Variants in LDAH observed in about 807,000 individuals in gnomAD.
LDAH encodes lipid droplet associated hydrolase, also known as lipid droplet-associated hydrolase.
LDAH carries 26 observed loss-of-function variants against 29.6 expected under a neutral mutation model. The ratio of observed to expected loss-of-function variants is 0.88; its 90% confidence interval spans 0.64 to 1.22. The LOEUF (loss-of-function observed/expected upper bound fraction) is 1.22. LDAH is among the 50% of genes most tolerant of loss of function. The probability of loss-of-function intolerance (pLI) is 0.00; values close to 1 mark genes in which losing one functional copy is unlikely to be tolerated. For missense variants in LDAH, 344 were observed against 387.3 expected (o/e 0.89, Z 0.94); for synonymous variants, 117 against 133.0 (o/e 0.88, Z 0.83).
chr2:20,720,831 T>C lies in LDAH; in HGVS notation c.703+19140A>G, dbSNP rs374033265. 1.5e-3 allele frequency among the ~76,000 whole-genome samples: 228 copies of C among 152,184 alleles called. 4 individuals carry two copies. The South Asian group carries it at 0.043, about 29-fold the overall frequency. ...AATAGAGAACTCAGAAATAAATCAG[T>C]ATACTTACAGCCAACTTGTTTTCAA... On this transcript the variant is annotated intron_variant, in intron 5 of 6. Coordinates refer to ENST00000237822, the MANE Select transcript of LDAH (RefSeq NM_021925.4).
At chr2:20,716,594 G>T (rs1665211736) in intron 5 of LDAH, among the ~76,000 whole-genome samples, 1 of 151,224 alleles carries the variant, frequency 6.6e-6, no homozygotes, top group Non-Finnish European at 1.5e-5. Context: ...GGGGGTTGGG[G>T]GAGGGATAGC....
intron 4 of LDAH, among the ~76,000 whole-genome samples, chr2:20,769,817 T>G (rs1300880492): frequency 6.6e-6 from 1 of 152,156 alleles, no homozygotes; most frequent in East Asian, 1.9e-4. Context: ...CTCCTTTATC[T>G]ATTTAGGACC....
intron 5 of LDAH, among the ~76,000 whole-genome samples, chr2:20,720,668 C>T (rs1400193118): frequency 6.6e-6 from 1 of 151,804 alleles, no homozygotes; most frequent in Non-Finnish European, 1.5e-5. Context: ...GCTAAGGAAT[C>T]CTAAGGAAAG....
intron 1 of LDAH, among the ~76,000 whole-genome samples, chr2:20,815,901 A>G (rs2125159439): frequency 6.6e-6 from 1 of 152,278 alleles, no homozygotes; most frequent in Admixed American, 6.5e-5. Context: ...GAGTTTCTTA[A>G]ATCATATTTG....
chr2:20,725,799 C>G (rs1051796298), intron 5 of LDAH, among the ~76,000 whole-genome samples: 1 of 152,142 alleles, frequency 6.6e-6, no homozygotes, highest in Non-Finnish European at 1.5e-5. Context: ...TGCCTTTCTC[C>G]CCTTTCCCTT....
rs1427787365 is a variant in LDAH at position 20,685,351 on chromosome 2, T to A, written c.*1552A>T. 1.5e-6 allele frequency: 1 copy of A among 647,016 alleles called. No individual in the cohort carries two copies. Among genetic ancestry groups the A allele is most frequent in the Non-Finnish European group, 2.5e-6 (1 of 402,696 alleles). The allele number at this position is 647,016 out of a possible 1,614,324, so 40.1% of individuals were successfully genotyped here. ...GAGCCATGATTCCTAGCTTCTAACA[T>A]CCGATTTCTAGGCCTCTCATGCAGA... is the stretch of plus-strand genomic sequence containing the variant. On this transcript the variant is annotated 3_prime_UTR_variant, in exon 7 of 7. Coordinates refer to ENST00000237822, the MANE Select transcript of LDAH (RefSeq NM_021925.4).
At chr2:20,820,131 A>G (rs1052649046) in intron 1 of LDAH, among the ~76,000 whole-genome samples, 4 of 152,096 alleles carry the variant, frequency 2.6e-5, no homozygotes, top group African/African-American at 7.3e-5. Context: ...AAACAAATGG[A>G]AGAACATTCC....
chr2:20,736,736 C>T (rs866319628), intron 5 of LDAH, among the ~76,000 whole-genome samples: 2 of 152,026 alleles, frequency 1.3e-5, no homozygotes, highest in Admixed American at 6.5e-5. Flanking sequence ...CTATTATCAA[C>T]GCAAAGGGCA....
chr2:20,705,409 G>A (rs1413796350), intron 5 of LDAH, among the ~76,000 whole-genome samples: 3 of 152,078 alleles, frequency 2.0e-5, no homozygotes, highest in Non-Finnish European at 4.4e-5. Context: ...AATCCAGTGG[G>A]CCCATTCACT....
chr2:20,740,125 CA>C lies in LDAH; in HGVS notation c.548del (p.Leu183CysfsTer16). The C allele has an allele frequency of 6.2e-7, 1 of 1,614,076 alleles. No homozygotes were observed. The highest frequency in any genetic ancestry group is 1.1e-5 in the South Asian group (1 of 91,080). On this transcript the variant is annotated frameshift_variant, in exon 5 of 7. Coordinates refer to ENST00000237822, the MANE Select transcript of LDAH (RefSeq NM_021925.4). LOFTEE classifies it high-confidence loss of function. ...SPNGRIATPL[L>X]CWFRYVLYVT... ...CATAGAGAACATATCGAAACCAGCACAAAAGTGGAGTGGCAATTCTGCCATT... is the reference window on the plus strand; with the variant it reads ...CATAGAGAACATATCGAAACCAGCACAAAGTGGAGTGGCAATTCTGCCATT...
chr2:20,809,117 C>A (rs746918402), intron 1 of LDAH, among the ~76,000 whole-genome samples: 5 of 151,866 alleles, frequency 3.3e-5, no homozygotes, highest in African/African-American at 1.2e-4. Context: ...GACTGCCAGG[C>A]GTGGTGGCTC....
intron 4 of LDAH, among the ~76,000 whole-genome samples, chr2:20,742,612 T>C (rs1327090616): frequency 6.6e-6 from 1 of 152,188 alleles, no homozygotes; most frequent in Non-Finnish European, 1.5e-5. Flanking sequence ...GAAATATAGC[T>C]ACTCCTGTTT....
chr2:20,756,107 G>A (rs892840876), intron 4 of LDAH, among the ~76,000 whole-genome samples: 3 of 151,450 alleles, frequency 2.0e-5, no homozygotes, highest in East Asian at 2.0e-4. Context: ...TCTTGGCTCC[G>A]GGCAACCTCC....
intron 4 of LDAH, among the ~76,000 whole-genome samples, chr2:20,762,255 TTTC>T (rs1558453564): frequency 6.6e-6 from 1 of 152,132 alleles, no homozygotes; most frequent in Non-Finnish European, 1.5e-5. Flanking sequence ...CTTTGTCTGT[TTTC>T]TTAATATAAA....
intron 3 of LDAH, among the ~76,000 whole-genome samples, chr2:20,784,343 G>C (rs1450150110): frequency 6.6e-6 from 1 of 151,986 alleles, no homozygotes; most frequent in African/African-American, 2.4e-5. Flanking sequence ...GGAGTTTCAG[G>C]CTACAGTTAG....
intron 6 of LDAH, among the ~76,000 whole-genome samples, chr2:20,696,360 C>A (rs988937669): frequency 2.0e-5 from 3 of 152,208 alleles, no homozygotes; most frequent in Non-Finnish European, 4.4e-5. Context: ...TTCTTGAGGA[C>A]ACTTGCCCCT....
At chr2:20,706,534 A>G (rs1664313597) in intron 5 of LDAH, among the ~76,000 whole-genome samples, 2 of 152,186 alleles carry the variant, frequency 1.3e-5, no homozygotes, top group Admixed American at 6.5e-5. Flanking sequence ...GTTAATAAAG[A>G]CTGCTGAATT....
intron 3 of LDAH, among the ~76,000 whole-genome samples, chr2:20,784,357 CGTT>C: frequency 6.6e-6 from 1 of 152,024 alleles, no homozygotes; most frequent in East Asian, 2.0e-4. Flanking sequence ...CAGTTAGTCT[CGTT>C]GGCACCACTG....
At chr2:20,773,347 T>C (rs1669562388) in intron 4 of LDAH, among the ~76,000 whole-genome samples, 1 of 149,698 alleles carries the variant, frequency 6.7e-6, no homozygotes, top group Non-Finnish European at 1.5e-5. Flanking sequence ...TATTGGAACC[T>C]AGGTGTCCTG....
Sources: gnomAD v4.1 joint callset for allele counts (sites outside exome capture counted in the v4.1 genomes callset) on GRCh38, gnomAD v4.1.1 for gene constraint, MANE v1.5 for transcripts, NCBI Gene and HGNC (gene_info 2026-07-23, HGNC 2026-07-21) for gene names.